The following MYO5B variants were observed in gnomAD, a reference collection of about 807,000 sequenced individuals.
MYO5B encodes unconventional myosin-Vb.
MYO5B carries 143 observed loss-of-function variants against 229.3 expected under a neutral mutation model. That is an observed-to-expected ratio of 0.62 (90% CI 0.54 to 0.72). MYO5B has a LOEUF of 0.72. Among genes scored for constraint, MYO5B ranks in the 30% least tolerant of loss-of-function variants. MYO5B has a pLI of 0.00. For missense variants in MYO5B, 2,321 were observed against 2,331.0 expected, an observed-to-expected ratio of 1.00 and a Z score of 0.09; for synonymous variants, 918 against 885.2, an observed-to-expected ratio of 1.04 and a Z score of -0.66.
At chr18:49,845,219 GT>G (rs1452592426) in intron 33 of MYO5B, among the ~76,000 whole-genome samples, 1 of 152,200 alleles carries the variant, frequency 6.6e-6, no homozygotes, top group South Asian at 2.1e-4. Context: ...GATGCAGTCT[GT>G]TTAAGGAAGT....
intron 2 of MYO5B, among the ~76,000 whole-genome samples, 165 bp from the exon 3 acceptor site, chr18:50,040,479 A>G (rs535053241): frequency 6.6e-6 from 1 of 152,378 alleles, no homozygotes; most frequent in Admixed American, 6.5e-5. Flanking sequence ...TGTTGCCATG[A>G]GAGACCAGTC....
chr18:49,872,367 T>C (rs2024465410), intron 26 of MYO5B, 135 bp from the exon 27 acceptor site: 1 of 835,548 alleles, frequency 1.2e-6, no homozygotes, highest in African/African-American at 1.7e-5. Flanking sequence ...ACAAGTCCAC[T>C]TCCTTCCCAC....
intron 1 of MYO5B, among the ~76,000 whole-genome samples, chr18:50,129,168 G>C (rs2032214906): frequency 1.3e-5 from 2 of 152,276 alleles, no homozygotes; most frequent in African/African-American, 2.4e-5. Context: ...TGGAGGGCTG[G>C]GCCCAAGCAG....
chr18:50,102,095 C>T (rs529228906), intron 1 of MYO5B, among the ~76,000 whole-genome samples: 1 of 152,058 alleles, frequency 6.6e-6, no homozygotes. Flanking sequence ...GGAAGGATTG[C>T]GTCCTTGGAT....
chr18:49,954,022 ATATGTGTGTGTGTG>A (rs1444342033), intron 13 of MYO5B, among the ~76,000 whole-genome samples: 1,668 of 129,866 alleles, frequency 0.013, 48 homozygotes, highest in African/African-American at 0.043. Context: ...GTATGTATTT[ATATGTGTGTGTGTG>A]TGTGTGTGTG....
intron 1 of MYO5B, among the ~76,000 whole-genome samples, chr18:50,133,708 T>A (rs974032327): frequency 1.3e-5 from 2 of 152,118 alleles, no homozygotes; most frequent in African/African-American, 4.8e-5. Context: ...CAGACTCTGA[T>A]CTTTAACAGA....
In MYO5B at chr18:49,968,603, G is replaced by GTT. The variant is rs1271168953; in HGVS notation, c.1323-5575_1323-5574dup. ...TTCCTTCAGGCCCCCCAATAAACTT[G>GTT]TTTCTAGAGGCCTGGGGAGTTTCTT... is the stretch of plus-strand genomic sequence containing the variant. On this transcript the variant is annotated intron_variant, in intron 10 of 39. Coordinates refer to ENST00000285039, the MANE Select transcript of MYO5B (RefSeq NM_001080467.3). Among the ~76,000 whole-genome samples the GTT allele has an allele frequency of 5.3e-5, 8 of 152,062 alleles. No homozygotes were observed. In the East Asian group the frequency reaches 1.5e-3, roughly 29 times the overall value.
At chr18:50,053,388 T>C (rs935674408) in intron 2 of MYO5B, among the ~76,000 whole-genome samples, 1 of 152,178 alleles carries the variant, frequency 6.6e-6, no homozygotes, top group African/African-American at 2.4e-5. Context: ...TGCTCTGTTT[T>C]AGCAACATGG....
intron 1 of MYO5B, among the ~76,000 whole-genome samples, chr18:50,079,810 G>A (rs2031174139): frequency 6.6e-6 from 1 of 152,054 alleles, no homozygotes; most frequent in East Asian, 1.9e-4. Flanking sequence ...AGCCCAGCTG[G>A]GCCGTCTCCA....
At chr18:49,877,987 A>G (rs1165215831) in intron 24 of MYO5B, 105 bp from the exon 25 acceptor site, 11 of 1,372,702 alleles carry the variant, frequency 8.0e-6, no homozygotes, top group African/African-American at 2.9e-5. Context: ...TAATTTGTCA[A>G]CAAGAATAGG....
At chr18:50,136,026 A>T (rs949033658) in intron 1 of MYO5B, among the ~76,000 whole-genome samples, 2 of 152,280 alleles carry the variant, frequency 1.3e-5, no homozygotes, top group African/African-American at 4.8e-5. Flanking sequence ...GCCCATGGTC[A>T]CACAGCCTGA....
intron 30 of MYO5B, among the ~76,000 whole-genome samples, chr18:49,855,560 T>A (rs749821429): frequency 6.6e-6 from 1 of 152,204 alleles, no homozygotes; most frequent in African/African-American, 2.4e-5. Flanking sequence ...ATAATAACCA[T>A]GATAGTAATA....
chr18:50,070,716 T>C (rs1282436835), intron 1 of MYO5B, among the ~76,000 whole-genome samples: 1 of 151,972 alleles, frequency 6.6e-6, no homozygotes, highest in Non-Finnish European at 1.5e-5. Flanking sequence ...ACAGGATAAG[T>C]TCATACAAGA....
intron 1 of MYO5B, among the ~76,000 whole-genome samples, chr18:50,100,143 G>A (rs961358616): frequency 8.5e-5 from 13 of 152,220 alleles, no homozygotes; most frequent in Admixed American, 1.3e-4. Context: ...ACAGAAGGAA[G>A]GAGCTTATTT....
intron 39 of MYO5B, among the ~76,000 whole-genome samples, chr18:49,830,658 G>C (rs2023904870): frequency 6.6e-6 from 1 of 151,970 alleles, no homozygotes; most frequent in Admixed American, 6.5e-5. Context: ...GACCAACCTG[G>C]CAAACATGGT....
At chr18:50,042,231 C>T (rs4265917) in intron 2 of MYO5B, among the ~76,000 whole-genome samples, 148,846 of 152,262 alleles carry the variant, frequency 0.98, 72,848 homozygotes, top group East Asian at 1. Flanking sequence ...TATGGACTCA[C>T]TGAAGCTATA....
chr18:50,027,466 A>G (rs1296842939), intron 4 of MYO5B, among the ~76,000 whole-genome samples: 2 of 152,176 alleles, frequency 1.3e-5, no homozygotes, highest in African/African-American at 4.8e-5. Flanking sequence ...CAATAAAGAA[A>G]TGGCACACCT....
intron 23 of MYO5B, 30 bp downstream of exon 23, chr18:49,880,341 C>G: frequency 6.3e-7 from 1 of 1,591,330 alleles, no homozygotes; most frequent in Non-Finnish European, 8.6e-7. Flanking sequence ...ATTAAAACCC[C>G]AAATAAAACT....
intron 9 of MYO5B, among the ~76,000 whole-genome samples, chr18:49,974,961 G>C (rs905021264): frequency 2.6e-5 from 4 of 152,188 alleles, no homozygotes; most frequent in Non-Finnish European, 5.9e-5. Flanking sequence ...TCCATGCCAG[G>C]CTGCTGCTGA....
Sources: gnomAD v4.1 joint callset for allele counts (sites outside exome capture counted in the v4.1 genomes callset) on GRCh38, gnomAD v4.1.1 for gene constraint, MANE v1.5 for transcripts, NCBI Gene and HGNC (gene_info 2026-07-23, HGNC 2026-07-21) for gene names.